The following GNE variants were observed in gnomAD, a reference collection of about 807,000 sequenced individuals.
GNE encodes glucosamine (UDP-N-acetyl)-2-epimerase/N-acetylmannosamine kinase, also known as bifunctional UDP-N-acetylglucosamine 2-epimerase/N-acetylmannosamine kinase.
Under a neutral mutation model 61.8 loss-of-function variants are expected in GNE, and 41 were observed. That is an observed-to-expected ratio of 0.66 (90% CI 0.52 to 0.86). The LOEUF (loss-of-function observed/expected upper bound fraction) is 0.86, where lower values mean the gene tolerates loss of function less well. Among genes scored for constraint, GNE ranks in the 40% least tolerant of loss-of-function variants. The probability of loss-of-function intolerance (pLI) is 0.00; values close to 1 mark genes in which losing one functional copy is unlikely to be tolerated. For synonymous variants in GNE, 264 were observed against 326.4 expected, an observed-to-expected ratio of 0.81 and a Z score of 2.06; for missense variants, 608 against 909.1, an observed-to-expected ratio of 0.67 and a Z score of 4.26.
intron 4 of GNE, among the ~76,000 whole-genome samples, chr9:36,235,179 CA>C (rs1318333779): frequency 6.6e-6 from 1 of 152,162 alleles, no homozygotes; most frequent in Non-Finnish European, 1.5e-5. Context: ...GATTTTGGAG[CA>C]TTTCAGATTC....
chr9:36,261,384 C>T (rs1456362265), upstream of GNE, among the ~76,000 whole-genome samples: 1 of 151,386 alleles, frequency 6.6e-6, no homozygotes, highest in Non-Finnish European at 1.5e-5. Flanking sequence ...TGGTGACACC[C>T]CGTCTCTACT....
intron 5 of GNE, among the ~76,000 whole-genome samples, chr9:36,232,830 G>A (rs1424353230): frequency 6.6e-6 from 1 of 152,182 alleles, no homozygotes; most frequent in African/African-American, 2.4e-5. Flanking sequence ...GCTCTTCTTG[G>A]TCTAGTTTAT....
chr9:36,219,345 T>C (rs1022062294), intron 10 of GNE, among the ~76,000 whole-genome samples: 1 of 152,100 alleles, frequency 6.6e-6, no homozygotes, highest in Non-Finnish European at 1.5e-5. Context: ...AACCCTACTG[T>C]AGGGCTCTAT....
At chr9:36,233,192 C>A (rs1419011053) in intron 5 of GNE, among the ~76,000 whole-genome samples, 1 of 152,192 alleles carries the variant, frequency 6.6e-6, no homozygotes, top group Non-Finnish European at 1.5e-5. Context: ...GCTCAGTTAG[C>A]AAATTCATTA....
intron 7 of GNE, among the ~76,000 whole-genome samples, chr9:36,226,184 G>T (rs1297109959): frequency 6.6e-6 from 1 of 151,910 alleles, no homozygotes; most frequent in Non-Finnish European, 1.5e-5. Flanking sequence ...TTTTTGTTTT[G>T]TTTTTTGAGA....
chr9:36,252,599 AAAAAACCTTAAAAAGT>A (rs1353402617), intron 1 of GNE, among the ~76,000 whole-genome samples: 1 of 152,314 alleles, frequency 6.6e-6, no homozygotes, highest in East Asian at 1.9e-4. Context: ...CTAGAAACCT[AAAAAACCTTAAAAAGT>A]CAAAGCTTTT....
upstream of GNE, among the ~76,000 whole-genome samples, chr9:36,260,868 C>CAAAAAAAAAAAAA (rs745821430): frequency 1.0e-5 from 1 of 96,038 alleles, no homozygotes; most frequent in Non-Finnish European, 2.0e-5. Flanking sequence ...GACTCTATCT[C>CAAAAAAAAAAAAA]AAAAAAAAAA....
rs1268741396 is a variant in GNE, at chr9:36,246,279, G to A, written c.368C>T (p.Ala123Val). 1.2e-6 allele frequency: 2 copies of A among 1,614,054 alleles called. No individual in the cohort carries two copies. The highest frequency in any genetic ancestry group is 1.3e-5 in the African/African-American group (1 of 74,928). Reference protein sequence around the residue: ...RFDALALATSAALMNIRILHI... With the variant: ...RFDALALATSVALMNIRILHI... The stretch of plus-strand genomic sequence containing the variant: ...AAGGATTCGGATGTTCATCAAGGCA[G>A]CAGATGTGGCCAGAGCCAGGGCATC... The change falls in exon 3 of 12, where the codon GCT becomes GTT. Residue 123 changes from alanine to valine, a missense_variant. Coordinates refer to ENST00000642385, the MANE Select transcript of GNE (RefSeq NM_005476.7).
At chr9:36,270,960 C>T (rs879889900) in intron 1 of GNE, among the ~76,000 whole-genome samples, 20 of 152,182 alleles carry the variant, frequency 1.3e-4, no homozygotes, top group Non-Finnish European at 1.9e-4. Context: ...TGCCTGCATT[C>T]CCTCGCTCCT....
At chr9:36,267,524 C>G (rs758035404) in intron 1 of GNE, among the ~76,000 whole-genome samples, 3 of 151,940 alleles carry the variant, frequency 2.0e-5, no homozygotes, top group Non-Finnish European at 2.9e-5. Flanking sequence ...TGGTGAAACC[C>G]CATCTCTACT....
At position 36,246,563 on chromosome 9, in the gene GNE, C is replaced by G. The variant is rs1587341200; in HGVS notation, c.165-81G>C. 17 of 866,932 alleles carry G rather than the reference C, an allele frequency of 2.0e-5. No individual in the cohort carries two copies. The East Asian group carries it at 4.2e-4, about 21-fold the overall frequency. The allele number at this position is 866,932 out of a possible 1,614,324, so 53.7% of individuals were successfully genotyped here. On this transcript the variant is annotated intron_variant, in intron 2 of 11. Coordinates refer to ENST00000642385, the MANE Select transcript of GNE (RefSeq NM_005476.7). ...ACATGCAAGAAAAGCAATCTAACAC[C>G]AACTCTGAAGTGAGAAACATTAAAA...
upstream of GNE, among the ~76,000 whole-genome samples, chr9:36,261,524 G>C (rs547850482): frequency 6.8e-6 from 1 of 147,882 alleles, no homozygotes; most frequent in East Asian, 2.0e-4. Flanking sequence ...CTGCACTCCA[G>C]CCTGGGCGAC....
intron 7 of GNE, among the ~76,000 whole-genome samples, chr9:36,224,769 C>T (rs1439111293): frequency 6.6e-6 from 1 of 152,116 alleles, no homozygotes; most frequent in African/African-American, 2.4e-5. Flanking sequence ...ACTTGAGAGG[C>T]TGAGGCTGGA....
intron 9 of GNE, among the ~76,000 whole-genome samples, chr9:36,221,162 A>G (rs1828570108): frequency 6.6e-6 from 1 of 152,082 alleles, no homozygotes; most frequent in Admixed American, 6.5e-5. Context: ...CTCTACTAAA[A>G]ATACAGAAAT....
At chr9:36,232,335 C>G (rs944822376) in intron 5 of GNE, among the ~76,000 whole-genome samples, 1 of 91,962 alleles carries the variant, frequency 1.1e-5, no homozygotes, top group Admixed American at 1.0e-4. Context: ...CTTGCCCCCC[C>G]GCCCCCCCTC....
At position 36,249,984 on chromosome 9, in the gene GNE, G is replaced by A. The variant is rs114274051; in HGVS notation, c.-42-587C>T. Among the ~76,000 whole-genome samples, 1,330 of 152,118 alleles carry A rather than the reference G, an allele frequency of 8.7e-3. 19 individuals carry two copies. The highest frequency in any genetic ancestry group is 0.03 in the African/African-American group (1,241 of 41,500). ...CACTGGAATGCCATTAAGAAGGAGTGATATAAATCAGCTCTTGTTTAAAAG... is the reference window on the plus strand; with the variant it reads ...CACTGGAATGCCATTAAGAAGGAGTAATATAAATCAGCTCTTGTTTAAAAG... On this transcript the variant is annotated intron_variant, in intron 1 of 11. Transcript: ENST00000642385.
chr9:36,260,635 C>T (rs917794594), upstream of GNE, among the ~76,000 whole-genome samples: 47 of 151,534 alleles, frequency 3.1e-4, no homozygotes, highest in Admixed American at 8.5e-4. Flanking sequence ...TTTGGGAGGC[C>T]GAGGCGGGCG....
chr9:36,259,452 T>G (rs1456373730), upstream of GNE, among the ~76,000 whole-genome samples: 2 of 152,226 alleles, frequency 1.3e-5, no homozygotes, highest in South Asian at 2.1e-4. Context: ...AACAGTTCAT[T>G]GAGATTTCTT....
In GNE at chr9:36,229,821, A is replaced by G. The variant is rs185635706; in HGVS notation, c.983-713T>C. 2.8e-3 allele frequency among the ~76,000 whole-genome samples: 430 copies of G among 152,280 alleles called. 1 individual carries two copies. The highest frequency in any genetic ancestry group is 0.01 in the African/African-American group (416 of 41,556). The stretch of plus-strand genomic sequence containing the variant: ...AGGAGAGACACCCACACCCACACCC[A>G]TGCCCACACCCTGCTATAAAAAAGG... On this transcript the variant is annotated intron_variant, in intron 5 of 11. Transcript: ENST00000642385.
Sources: allele counts gnomAD v4.1 joint callset (sites outside exome capture counted in the v4.1 genomes callset), GRCh38; gene constraint gnomAD v4.1.1; transcripts MANE v1.5; gene names NCBI Gene and HGNC (gene_info 2026-07-23, HGNC 2026-07-21).